The following MXD1 variants were observed in gnomAD, a reference collection of about 807,000 sequenced individuals.
The protein encoded by MXD1 is MAX dimerization protein 1.
In MXD1, 9 loss-of-function variants were observed where a neutral mutation model predicts 25.7. That is an observed-to-expected ratio of 0.35 (90% confidence interval 0.21 to 0.61). The LOEUF (loss-of-function observed/expected upper bound fraction) is 0.61. MXD1 is among the 20% of genes least tolerant of loss of function. The pLI is 0.75. For missense variants in MXD1, 227 were observed against 292.4 expected (o/e 0.78, Z 1.63); for synonymous variants, 99 against 113.9 (o/e 0.87, Z 0.83).
rs1421597733 is a variant in MXD1, at chr2:69,915,488, C to G, written c.73+85C>G. On this transcript the variant is annotated intron_variant, in intron 1 of 5. Transcript: ENST00000264444. This position sits in a 1 kb window ranked among gnomAD's most constrained non-coding sequence, Gnocchi z 5.8. ...CTCAGGTCCGGGCGCCCAGCCGCTC[C>G]GGGGGTGGTTGGAGGCGGGGAGACC... 1.9e-5 allele frequency: 22 copies of G among 1,140,156 alleles called. No homozygotes were observed. The highest frequency in any genetic ancestry group is 8.0e-5 in the South Asian group (2 of 25,002). 70.6% of individuals were successfully genotyped at this position (1,140,156 alleles called of 1,614,324 possible).
At chr2:69,933,445 T>G (rs1363264793) in intron 3 of MXD1, among the ~76,000 whole-genome samples, 1 of 152,160 alleles carries the variant, frequency 6.6e-6, no homozygotes, top group Non-Finnish European at 1.5e-5. Flanking sequence ...ACCTGTAACA[T>G]GAGTCTTTGC....
Position 69,925,467 on chromosome 2 carries a change from A to G in MXD1, c.203+3702A>G, listed in dbSNP as rs145189878. Reference sequence around the variant, plus strand: ...AAGTTAGAAAATTCAGAAAAGCACAAAGAATATAAAAATCACCTGTAATAG... The same window carrying G: ...AAGTTAGAAAATTCAGAAAAGCACAGAGAATATAAAAATCACCTGTAATAG... On this transcript the variant is annotated intron_variant, in intron 3 of 5. Transcript: ENST00000264444. 6.8e-3 allele frequency among the ~76,000 whole-genome samples: 1,043 copies of G among 152,318 alleles called. 13 individuals carry two copies. The highest frequency in any genetic ancestry group is 0.024 in the African/African-American group (1,002 of 41,570).
intron 3 of MXD1, among the ~76,000 whole-genome samples, chr2:69,933,931 G>T (rs1226331267): frequency 1.3e-5 from 2 of 152,254 alleles, no homozygotes; most frequent in African/African-American, 2.4e-5. Context: ...TAGGTTGTGT[G>T]TGGGCAATGA....
In MXD1 at chr2:69,938,342, A is replaced by G; in HGVS notation, c.*58A>G. 6.4e-7 allele frequency: 1 copy of G among 1,567,772 alleles called. No homozygotes were observed. Among genetic ancestry groups the G allele is most frequent in the East Asian group, 2.2e-5 (1 of 44,530 alleles). On this transcript the variant is annotated 3_prime_UTR_variant, in exon 6 of 6. Transcript: ENST00000264444. ...TTCTCCCTGTTGGTTCTGATTAGGT[A>G]ACGTATTGGACCTGCCCACAACTCC... is the stretch of plus-strand genomic sequence containing the variant.
chr2:69,928,633 G>A (rs1573405511), intron 3 of MXD1, among the ~76,000 whole-genome samples: 2 of 151,704 alleles, frequency 1.3e-5, no homozygotes, highest in South Asian at 2.1e-4. Flanking sequence ...TTAGGAGGCC[G>A]AGGTGGGAGG....
At chr2:69,918,654 G>A (rs1273556653) in intron 2 of MXD1, among the ~76,000 whole-genome samples, 1 of 152,176 alleles carries the variant, frequency 6.6e-6, no homozygotes, top group Non-Finnish European at 1.5e-5. Flanking sequence ...GACCTGACAT[G>A]AGGAGTGTTT....
chr2:69,934,453 G>A (rs552493444), intron 3 of MXD1, among the ~76,000 whole-genome samples: 6 of 152,218 alleles, frequency 3.9e-5, no homozygotes, highest in African/African-American at 1.4e-4. Flanking sequence ...GCTTCATCCA[G>A]CCCTTCTCCC....
intron 3 of MXD1, among the ~76,000 whole-genome samples, chr2:69,925,071 G>A (rs745488409): frequency 7.2e-5 from 11 of 152,160 alleles, no homozygotes; most frequent in African/African-American, 1.4e-4. Context: ...CTAAGATGCC[G>A]TGTAGTAGGT....
chr2:69,916,695 AG>A (rs759839681), intron 2 of MXD1, among the ~76,000 whole-genome samples: 8 of 152,222 alleles, frequency 5.3e-5, no homozygotes, highest in Non-Finnish European at 1.2e-4. Flanking sequence ...AATTAAATAC[AG>A]TGGTTTGTTT....
rs941763512 is a variant in MXD1, at chr2:69,915,207, T to A, written c.-124T>A. 1 of 874,420 alleles carries A rather than the reference T, an allele frequency of 1.1e-6. No homozygotes were observed. The highest frequency in any genetic ancestry group is 1.5e-6 in the Non-Finnish European group (1 of 645,520). The allele number at this position is 874,420 out of a possible 1,614,324, so 54.2% of individuals were successfully genotyped here. A position where few individuals can be genotyped will look rare whatever the true frequency, so the allele number is the denominator to read the frequency against. ...GTTGCCAGAGAGGCTCCCTCAGCCCTGCTCCGCGGGGTCCACAGCGGGCTC... is the reference window on the plus strand; with the variant it reads ...GTTGCCAGAGAGGCTCCCTCAGCCCAGCTCCGCGGGGTCCACAGCGGGCTC... On this transcript the variant is annotated 5_prime_UTR_variant, in exon 1 of 6. Transcript: ENST00000264444. This position sits in a 1 kb window ranked among gnomAD's most constrained non-coding sequence, Gnocchi z 5.8.
chr2:69,926,061 C>A (rs1234282018), intron 3 of MXD1, among the ~76,000 whole-genome samples: 1 of 152,086 alleles, frequency 6.6e-6, no homozygotes, highest in Non-Finnish European at 1.5e-5. Context: ...ATTAAATAGC[C>A]TTTGCCCAAT....
In MXD1 at chr2:69,935,371, G is replaced by A. The variant is rs200426575; in HGVS notation, c.224G>A (p.Cys75Tyr). The A allele has an allele frequency of 4.3e-6, 7 of 1,613,864 alleles. No individual in the cohort carries two copies. Among genetic ancestry groups the A allele is most frequent in the East Asian group, 2.2e-5 (1 of 44,884 alleles). The change falls in exon 4 of 6, where the codon TGC becomes TAC. Residue 75 changes from cysteine to tyrosine, a missense_variant. Transcript: ENST00000264444. The part of the protein sequence containing the change: ...EKNRRAHLRL[C>Y]LEKLKGLVPL... ...CATAGACGGGCTCATCTTCGCTTGT[G>A]CCTGGAGAAGTTGAAGGGGCTGGTG...
chr2:69,930,322 C>G (rs1469869905), intron 3 of MXD1, among the ~76,000 whole-genome samples: 1 of 152,170 alleles, frequency 6.6e-6, no homozygotes, highest in Non-Finnish European at 1.5e-5. Context: ...ATATTTGCCT[C>G]TATTTTTATT....
Position 69,939,401 on chromosome 2 carries a change from A to C in MXD1, c.*1117A>C, listed in dbSNP as rs1677544358. ...TTTGGGTTGATAGTTTAAAAGGCTG[A>C]TTTTTCTTTTTGGTTATGATTTCTC... On this transcript the variant is annotated 3_prime_UTR_variant, in exon 6 of 6. Transcript: ENST00000264444. 1 of 152,446 alleles carries C rather than the reference A, an allele frequency of 6.6e-6. No homozygotes were observed. The highest frequency in any genetic ancestry group is 2.1e-4 in the South Asian group (1 of 4,824). 9.4% of individuals were successfully genotyped at this position (152,446 alleles called of 1,614,324 possible).
At position 69,937,448 on chromosome 2, in the gene MXD1, C is replaced by T; in HGVS notation, c.478+54C>T. ...TCCCTTGTGCTCCCCAACCCCAGAG[C>T]AGGGGTTCAGTACTGCGGACAGGAG... is the stretch of plus-strand genomic sequence containing the variant. On this transcript the variant is annotated intron_variant, in intron 5 of 5. Coordinates refer to ENST00000264444, the MANE Select transcript of MXD1 (RefSeq NM_002357.4). 5 of 1,514,084 alleles carry T rather than the reference C, an allele frequency of 3.3e-6. No individual in the cohort carries two copies. In the South Asian group the frequency reaches 6.3e-5, roughly 19 times the overall value. The allele number at this position is 1,514,084 out of a possible 1,614,324, so 93.8% of individuals were successfully genotyped here.
Position 69,939,649 on chromosome 2 carries a change from T to A in MXD1, c.*1365T>A, listed in dbSNP as rs772994563. On this transcript the variant is annotated 3_prime_UTR_variant, in exon 6 of 6. Transcript: ENST00000264444. Reference sequence around the variant, plus strand: ...TTCATTCCCCTGAATATTTTTGCATTCATATTTTTGAGGTCTTGATGTTTT... The same window carrying A: ...TTCATTCCCCTGAATATTTTTGCATACATATTTTTGAGGTCTTGATGTTTT... 2 of 152,668 alleles carry A rather than the reference T, an allele frequency of 1.3e-5. No homozygotes were observed. Among genetic ancestry groups the A allele is most frequent in the Non-Finnish European group, 2.9e-5 (2 of 68,044 alleles). The allele number at this position is 152,668 out of a possible 1,614,324, so 9.5% of individuals were successfully genotyped here.
At position 69,915,527 on chromosome 2, in the gene MXD1, A is replaced by G; in HGVS notation, c.73+124A>G. On this transcript the variant is annotated intron_variant, in intron 1 of 5. Coordinates refer to ENST00000264444, the MANE Select transcript of MXD1 (RefSeq NM_002357.4). The surrounding 1 kb of genome is among the most constrained non-coding windows in gnomAD (Gnocchi z 5.8). The stretch of plus-strand genomic sequence containing the variant: ...GGCGGGGAGACCGCGAGCGCTCCCA[A>G]CCCCTCTGGCTCTCCCCACGCGCGG... The G allele has an allele frequency of 1.4e-6, 1 of 715,124 alleles. No individual in the cohort carries two copies. The highest frequency in any genetic ancestry group is 3.4e-5 in the East Asian group (1 of 29,342). 44.3% of individuals were successfully genotyped at this position (715,124 alleles called of 1,614,324 possible).
intron 3 of MXD1, among the ~76,000 whole-genome samples, chr2:69,921,986 C>T (rs1157682736): frequency 6.6e-6 from 1 of 152,192 alleles, no homozygotes; most frequent in African/African-American, 2.4e-5. Context: ...CACCAGCCCA[C>T]TCCTGAAGAA....
chr2:69,921,859 A>G, intron 3 of MXD1, 94 bp downstream of exon 3: 2 of 1,190,762 alleles, frequency 1.7e-6, no homozygotes, highest in Non-Finnish European at 1.2e-6. Flanking sequence ...GACTCTTCCC[A>G]CTAGTAGCAC....
Sources: gnomAD v4.1 joint callset for allele counts (sites outside exome capture counted in the v4.1 genomes callset) on GRCh38, gnomAD v4.1.1 for gene constraint, Gnocchi (gnomAD v3.1) non-coding constraint, MANE v1.5 for transcripts, NCBI Gene and HGNC (gene_info 2026-07-23, HGNC 2026-07-21) for gene names.